The following DPP6 variants were observed in gnomAD, a reference collection of about 807,000 sequenced individuals.
The protein encoded by DPP6 is A-type potassium channel modulatory protein DPP6.
Under a neutral mutation model 122.6 loss-of-function variants are expected in DPP6, and 69 were observed. The observed-to-expected ratio is 0.56, with a 90% CI of 0.46 to 0.69. The LOEUF (loss-of-function observed/expected upper bound fraction) is 0.69. DPP6 is among the 30% of genes least tolerant of loss of function. The pLI is 0.00. For missense variants in DPP6, 928 were observed against 1,116.9 expected (o/e 0.83, Z 2.41); for synonymous variants, 418 against 433.1 (o/e 0.97, Z 0.43).
chr7:154,805,700 G>A (rs941270213), intron 15 of DPP6, among the ~76,000 whole-genome samples: 1 of 152,142 alleles, frequency 6.6e-6, no homozygotes, highest in Non-Finnish European at 1.5e-5. Context: ...TCTAGGGCGT[G>A]TCCCTCTTCT....
intron 1 of DPP6, among the ~76,000 whole-genome samples, chr7:153,960,774 G>A (rs1450509085): frequency 6.7e-6 from 1 of 148,916 alleles, no homozygotes; most frequent in Admixed American, 6.8e-5. Flanking sequence ...ATACTGTGTG[G>A]GGACAATGAG....
At chr7:154,290,792 T>C (rs1805158901) in intron 1 of DPP6, among the ~76,000 whole-genome samples, 1 of 152,162 alleles carries the variant, frequency 6.6e-6, no homozygotes, top group Admixed American at 6.5e-5. Context: ...GGTCCCTTGC[T>C]CTTCCTCTGC....
chr7:154,023,318 G>GCACACGCACACA (rs1554436899), intron 1 of DPP6, among the ~76,000 whole-genome samples: 1 of 129,528 alleles, frequency 7.7e-6, no homozygotes, highest in African/African-American at 3.2e-5. Context: ...TTTCTTGTCT[G>GCACACGCACACA]CACACACACA....
the DPP6 span, among the ~76,000 whole-genome samples, chr7:153,868,707 A>T: frequency 6.6e-6 from 1 of 151,766 alleles, no homozygotes; most frequent in Non-Finnish European, 1.5e-5. Flanking sequence ...TTGAATGTGT[A>T]TGCTCTTGCT....
chr7:154,733,988 C>T (rs751882625), intron 8 of DPP6, among the ~76,000 whole-genome samples: 3 of 152,328 alleles, frequency 2.0e-5, no homozygotes, highest in Admixed American at 1.3e-4. Context: ...CTGCTTCCTG[C>T]GTGTTGTGAA....
chr7:154,805,204 C>A (rs1798620088), intron 15 of DPP6, among the ~76,000 whole-genome samples: 1 of 152,208 alleles, frequency 6.6e-6, no homozygotes, highest in Non-Finnish European at 1.5e-5. Context: ...TCCCTGTCAC[C>A]CACTTGCCTC....
At chr7:154,004,383 A>T (rs1797818573) in intron 1 of DPP6, among the ~76,000 whole-genome samples, 1 of 152,170 alleles carries the variant, frequency 6.6e-6, no homozygotes, top group South Asian at 2.1e-4. Context: ...AGAACCTCGT[A>T]AACTCCAGAT....
intron 7 of DPP6, among the ~76,000 whole-genome samples, chr7:154,679,446 C>T (rs536234953): frequency 2.0e-5 from 3 of 152,268 alleles, no homozygotes; most frequent in Admixed American, 1.3e-4. Flanking sequence ...ATCCGGTCCG[C>T]AGTTCCCCAT....
chr7:154,280,983 T>TTTTATTTA (rs146635527), intron 1 of DPP6, among the ~76,000 whole-genome samples: 32,727 of 142,676 alleles, frequency 0.23, 4,667 homozygotes, highest in African/African-American at 0.38. Flanking sequence ...TTATTTCTTA[T>TTTTATTTA]TTTATTTATT....
At chr7:154,465,999 A>G (rs1297881473) in intron 2 of DPP6, among the ~76,000 whole-genome samples, 1 of 152,220 alleles carries the variant, frequency 6.6e-6, no homozygotes, top group East Asian at 1.9e-4. Flanking sequence ...AATGTGGCAC[A>G]TATATACCAT....
chr7:154,171,794 T>G (rs1400153401), intron 1 of DPP6, among the ~76,000 whole-genome samples: 2 of 126,542 alleles, frequency 1.6e-5, no homozygotes, highest in African/African-American at 6.0e-5. Context: ...CTGTGACAAC[T>G]GAACAATCCC....
chr7:153,825,562 T>TTTTG, the DPP6 span, among the ~76,000 whole-genome samples: 1 of 151,040 alleles, frequency 6.6e-6, no homozygotes, highest in Non-Finnish European at 1.5e-5. Flanking sequence ...TTTTGTTTTG[T>TTTTG]TTTCTTTTCT....
At chr7:153,846,851 C>T in the DPP6 span, among the ~76,000 whole-genome samples, 4 of 152,032 alleles carry the variant, frequency 2.6e-5, no homozygotes, top group Non-Finnish European at 5.9e-5. Flanking sequence ...TGCCACCACG[C>T]CTGGCTAATT....
the DPP6 span, among the ~76,000 whole-genome samples, chr7:153,776,422 T>A: frequency 4.6e-5 from 7 of 152,154 alleles, no homozygotes; most frequent in Admixed American, 6.5e-5. Context: ...GTTTCCTTGC[T>A]GCCGTCACAT....
At chr7:154,632,757 A>G (rs2130904418) in intron 5 of DPP6, among the ~76,000 whole-genome samples, 1 of 152,214 alleles carries the variant, frequency 6.6e-6, no homozygotes, top group South Asian at 2.1e-4. Context: ...GCCAAAGAAA[A>G]AACTCAGTGT....
chr7:153,847,807 T>C, the DPP6 span, among the ~76,000 whole-genome samples: 3 of 152,238 alleles, frequency 2.0e-5, no homozygotes, highest in African/African-American at 7.2e-5. Context: ...GTTTTTTGCA[T>C]GCGTCTGCAG....
chr7:153,877,124 A>T, the DPP6 span, among the ~76,000 whole-genome samples: 7 of 152,012 alleles, frequency 4.6e-5, no homozygotes, highest in Non-Finnish European at 7.4e-5. Context: ...AACTAAAACT[A>T]AAACAAAAAA....
chr7:154,460,954 C>T (rs1319101763), intron 2 of DPP6, among the ~76,000 whole-genome samples: 2 of 152,042 alleles, frequency 1.3e-5, no homozygotes, highest in Non-Finnish European at 2.9e-5. Flanking sequence ...CTCTTTCTAA[C>T]TCTATTTTTG....
chr7:154,726,657 T>C (rs1238907496), intron 7 of DPP6, among the ~76,000 whole-genome samples: 1 of 152,198 alleles, frequency 6.6e-6, no homozygotes, highest in East Asian at 1.9e-4. Context: ...GTTTTCCTTA[T>C]TGTCTTGGTG....
Sources: gnomAD v4.1 joint callset for allele counts (sites outside exome capture counted in the v4.1 genomes callset) on GRCh38, gnomAD v4.1.1 for gene constraint, MANE v1.5 for transcripts, NCBI Gene and HGNC (gene_info 2026-07-23, HGNC 2026-07-21) for gene names.